PLXNA4: variants seen among roughly 807,000 people sequenced by gnomAD.
PLXNA4 encodes the protein plexin-A4.
A neutral mutation model predicts 191.8 loss-of-function variants in PLXNA4; 44 were observed. The ratio of observed to expected loss-of-function variants is 0.23; its 90% CI spans 0.18 to 0.29. PLXNA4 has a LOEUF of 0.29. Among genes scored for constraint, PLXNA4 ranks in the 10% least tolerant of loss-of-function variants. PLXNA4 has a pLI of 1.00. For missense variants in PLXNA4, 1,800 were observed against 2,488.8 expected (o/e 0.72, Z 5.89); for synonymous variants, 1,082 against 1,009.5 (o/e 1.07, Z -1.36).
intron 3 of PLXNA4, among the ~76,000 whole-genome samples, chr7:132,349,949 C>G (rs1293632644): frequency 6.6e-6 from 1 of 151,826 alleles, no homozygotes; most frequent in Non-Finnish European, 1.5e-5. Flanking sequence ...TTGTACCATC[C>G]CAAAAATGGA....
rs1454808200 is a variant in PLXNA4, at chr7:132,602,564, C to T, written c.-87+43364G>A. On this transcript the variant is annotated intron_variant, in intron 2 of 4. Transcript: ENST00000378539. ...TGTGACCAGGAGAAAAGTTTGCACT[C>T]AAGACCCAAACAAGCTTCCCAGTCT... 2.0e-5 allele frequency among the ~76,000 whole-genome samples: 3 copies of T among 152,206 alleles called. No individual in the cohort carries two copies. The South Asian group carries it at 6.2e-4, about 31-fold the overall frequency.
At chr7:132,262,222 G>A (rs1213230126) in intron 4 of PLXNA4, among the ~76,000 whole-genome samples, 8 of 152,138 alleles carry the variant, frequency 5.3e-5, no homozygotes, top group Admixed American at 3.9e-4. Context: ...CGGCTTGGTG[G>A]TGGGGAGAAG....
chr7:132,152,147 C>T (rs1347412205), intron 25 of PLXNA4, among the ~76,000 whole-genome samples: 1 of 152,186 alleles, frequency 6.6e-6, no homozygotes, highest in Non-Finnish European at 1.5e-5. Context: ...AAATCTGAGC[C>T]ATAGAGCTCT....
Position 132,525,901 on chromosome 7 carries a change from A to G in PLXNA4, c.-86-17122T>C, listed in dbSNP as rs1262511318. Among the ~76,000 whole-genome samples, 7 of 152,298 alleles carry G rather than the reference A, an allele frequency of 4.6e-5. No individual in the cohort carries two copies. In the East Asian group the frequency reaches 1.2e-3, roughly 25 times the overall value. ...AGGTGGTGCTTTGATAAGCAAACCC[A>G]TGGAAGGTTTGTGAAACAGGGTTTC... On this transcript the variant is annotated intron_variant, in intron 1 of 31. Coordinates refer to ENST00000321063, the MANE Select transcript of PLXNA4 (RefSeq NM_020911.2).
intron 1 of PLXNA4, among the ~76,000 whole-genome samples, chr7:132,564,022 C>T (rs1411267946): frequency 3.2e-5 from 1 of 31,074 alleles, no homozygotes. Flanking sequence ...CCTCCTCCTT[C>T]TCCTCCTCCT....
intron 3 of PLXNA4, among the ~76,000 whole-genome samples, chr7:132,329,907 G>A (rs897477287): frequency 6.6e-6 from 1 of 152,154 alleles, no homozygotes; most frequent in Non-Finnish European, 1.5e-5. Context: ...TCTACATTAG[G>A]CAACAGGTAT....
At chr7:132,474,138 C>A (rs774817158) in intron 3 of PLXNA4, among the ~76,000 whole-genome samples, 10 of 151,606 alleles carry the variant, frequency 6.6e-5, no homozygotes, top group Non-Finnish European at 1.3e-4. Context: ...AATGCAAAGG[C>A]AGCATTAGCA....
chr7:132,477,633 C>A (rs570410736), intron 3 of PLXNA4, among the ~76,000 whole-genome samples: 38 of 152,314 alleles, frequency 2.5e-4, no homozygotes, highest in Admixed American at 1.3e-3. Context: ...AGACCCTAAG[C>A]CCCAGTGGTC....
chr7:132,310,502 C>A (rs1400594577), intron 3 of PLXNA4, among the ~76,000 whole-genome samples: 1 of 152,198 alleles, frequency 6.6e-6, no homozygotes, highest in Non-Finnish European at 1.5e-5. Flanking sequence ...GTCCCAGCAT[C>A]CTCAGAGACT....
intron 3 of PLXNA4, chr7:132,384,929 A>C (rs1805058730): frequency 7.8e-7 from 1 of 1,287,468 alleles, no homozygotes; most frequent in Admixed American, 3.6e-5. Context: ...ACACCACAAG[A>C]GTCAAACATG....
In PLXNA4 at chr7:132,465,998, C is replaced by A. The variant is rs551520944; in HGVS notation, c.1371+23294G>T. On this transcript the variant is annotated intron_variant, in intron 3 of 31. Coordinates refer to ENST00000321063, the MANE Select transcript of PLXNA4 (RefSeq NM_020911.2). ...GCAACACAAGCCACTGTGCCAGGTA[C>A]CCACGCAGGTCAGGGGCCTGGTCTC... Among the ~76,000 whole-genome samples, 3 of 152,230 alleles carry A rather than the reference C, an allele frequency of 2.0e-5. No homozygotes were observed. In the South Asian group the frequency reaches 6.2e-4, roughly 32 times the overall value.
At chr7:132,284,212 C>T (rs1235446252) in intron 4 of PLXNA4, among the ~76,000 whole-genome samples, 1 of 152,196 alleles carries the variant, frequency 6.6e-6, no homozygotes, top group Non-Finnish European at 1.5e-5. Flanking sequence ...ATCTGCTCAA[C>T]TCAGATTTGC....
At chr7:132,609,089 A>G (rs1802996888) in intron 2 of PLXNA4, among the ~76,000 whole-genome samples, 1 of 152,146 alleles carries the variant, frequency 6.6e-6, no homozygotes, top group African/African-American at 2.4e-5. Context: ...CATGAGTGAC[A>G]TGCCACAGCC....
chr7:132,352,430 A>G (rs1311436692), intron 3 of PLXNA4: 2 of 152,220 alleles, frequency 1.3e-5, no homozygotes, highest in Non-Finnish European at 2.9e-5. Flanking sequence ...CCTGCTTCCA[A>G]GCTGCCGTGG....
At chr7:132,598,201 C>T (rs1312370424) in intron 2 of PLXNA4, among the ~76,000 whole-genome samples, 3 of 152,144 alleles carry the variant, frequency 2.0e-5, no homozygotes, top group South Asian at 2.1e-4. Flanking sequence ...CTCGGCTTCC[C>T]GGATTCAAGA....
intron 5 of PLXNA4, among the ~76,000 whole-genome samples, chr7:132,231,005 T>C (rs1798506315): frequency 6.6e-6 from 1 of 152,172 alleles, no homozygotes; most frequent in South Asian, 2.1e-4. Flanking sequence ...TCTACCTGCA[T>C]TGCTTGCTGC....
chr7:132,322,556 A>T (rs919040968), intron 3 of PLXNA4, among the ~76,000 whole-genome samples: 1 of 152,112 alleles, frequency 6.6e-6, no homozygotes, highest in African/African-American at 2.4e-5. Flanking sequence ...TCCATTCTTT[A>T]TCCCACACAG....
At chr7:132,229,052 T>A (rs922895965) in intron 5 of PLXNA4, among the ~76,000 whole-genome samples, 67 of 152,182 alleles carry the variant, frequency 4.4e-4, no homozygotes, top group Non-Finnish European at 1.9e-4. Flanking sequence ...TTTCTTAGAT[T>A]GTATGACAAT....
At chr7:132,268,198 C>T (rs1450298277) in intron 4 of PLXNA4, among the ~76,000 whole-genome samples, 2 of 152,210 alleles carry the variant, frequency 1.3e-5, no homozygotes, top group East Asian at 3.9e-4. Flanking sequence ...TACAACGTGG[C>T]TGGCATAGAG....
Sources: gnomAD v4.1 joint callset for allele counts (sites outside exome capture counted in the v4.1 genomes callset) on GRCh38, gnomAD v4.1.1 for gene constraint, MANE v1.5 for transcripts, NCBI Gene and HGNC (gene_info 2026-07-23, HGNC 2026-07-21) for gene names.